Variants in BRWD3 observed in about 807,000 individuals in gnomAD.
The protein encoded by BRWD3 is bromodomain and WD repeat domain containing 3.
A neutral mutation model predicts 149.7 loss-of-function variants in BRWD3; 10 were observed. That is an observed-to-expected ratio of 0.07 (90% CI 0.04 to 0.11). The LOEUF is 0.11. BRWD3 is among the 10% of genes least tolerant of loss of function. The pLI, the probability that BRWD3 is intolerant of heterozygous loss-of-function variation, is 1.00. For synonymous variants in BRWD3, 504 were observed against 456.7 expected, an observed-to-expected ratio of 1.10 and a Z score of -1.32; for missense variants, 940 against 1,373.2, an observed-to-expected ratio of 0.68 and a Z score of 4.99.
At chrX:80,800,286 T>A (rs1602452167) in intron 4 of BRWD3, among the ~76,000 whole-genome samples, 1 of 97,405 alleles carries the variant, frequency 1.0e-5, no homozygotes, top group Admixed American at 1.2e-4. Flanking sequence ...AACCCCAGGG[T>A]ACAGTGGCTT....
chrX:80,754,422 T>G, intron 6 of BRWD3, among the ~76,000 whole-genome samples: 1 of 111,975 alleles, frequency 8.9e-6, no homozygotes, highest in Middle Eastern at 4.6e-3. Flanking sequence ...TCTTTAGAAT[T>G]TTCTAGGTAT....
At chrX:80,764,472 A>ATT (rs58148585) in intron 6 of BRWD3, among the ~76,000 whole-genome samples, 5 of 100,895 alleles carry the variant, frequency 5.0e-5, no homozygotes, top group African/African-American at 1.5e-4. Flanking sequence ...CGCCTGGATA[A>ATT]TTTTTTTTTT....
intron 20 of BRWD3, among the ~76,000 whole-genome samples, chrX:80,712,877 T>C (rs1223508517): frequency 3.1e-5 from 3 of 98,014 alleles, no homozygotes; most frequent in Non-Finnish European, 4.1e-5. Flanking sequence ...GCCTGGCAAC[T>C]GCCCCGTCTG....
intron 8 of BRWD3, 121 bp from the exon 9 acceptor site, chrX:80,736,209 A>G (rs2073402146): frequency 2.1e-6 from 1 of 487,037 alleles, no homozygotes; most frequent in Non-Finnish European, 3.3e-6. Flanking sequence ...TCAGCTAAAA[A>G]TTTTTGTTTC....
intron 37 of BRWD3, 52 bp downstream of exon 37, chrX:80,683,958 A>G: frequency 8.7e-7 from 1 of 1,148,310 alleles, no homozygotes. Context: ...ACCAATTTTC[A>G]GTAACTGGTT....
chrX:80,804,502 T>C lies in BRWD3; in HGVS notation c.180+4037A>G, dbSNP rs188087612. On this transcript the variant is annotated intron_variant, in intron 4 of 40. Transcript: ENST00000373275. ...ATCCGCCTGCCTCAGTCTCTCAAAGTGCTGGGATTACAGGCATGAGCCACC... is the reference window on the plus strand; with the variant it reads ...ATCCGCCTGCCTCAGTCTCTCAAAGCGCTGGGATTACAGGCATGAGCCACC... 8.2e-3 allele frequency among the ~76,000 whole-genome samples: 913 copies of C among 111,812 alleles called. 5 individuals are homozygous for C. The highest frequency in any genetic ancestry group is 0.014 in the Non-Finnish European group (724 of 53,169).
At chrX:80,760,428 C>T (rs932533182) in intron 6 of BRWD3, among the ~76,000 whole-genome samples, 1 of 111,350 alleles carries the variant, frequency 9.0e-6, no homozygotes, top group Non-Finnish European at 1.9e-5. Context: ...TAAAGGTTCT[C>T]CTGAAATTGG....
chrX:80,708,410 T>A (rs1180130214), intron 21 of BRWD3, among the ~76,000 whole-genome samples: 3 of 91,952 alleles, frequency 3.3e-5, no homozygotes, highest in African/African-American at 8.7e-5. Context: ...TTTTTTTTTT[T>A]AAAGGGTGGG....
intron 6 of BRWD3, among the ~76,000 whole-genome samples, chrX:80,781,216 AT>A (rs1244832331): frequency 1.8e-5 from 2 of 111,359 alleles, no homozygotes; most frequent in Non-Finnish European, 3.8e-5. Flanking sequence ...CTCCCATAAA[AT>A]GGGAGGGGAC....
Position 80,696,789 on chromosome X carries a change from T to C in BRWD3, c.3018A>G (p.Ala1006=). ...TTTTGCCTGAAATTGGGTCCAGAAATGCAAGCTTCAAGCAGCACAGTGTGG... is the reference window on the plus strand; with the variant it reads ...TTTTGCCTGAAATTGGGTCCAGAAACGCAAGCTTCAAGCAGCACAGTGTGG... ...GPPTLCCLKL[A]FLDPISGKMT... The change falls in exon 26 of 41, where the codon GCA becomes GCG. Residue 1006 remains alanine (A), a synonymous_variant. Transcript: ENST00000373275. 2 of 1,210,269 alleles carry C rather than the reference T, an allele frequency of 1.7e-6. No individual in the cohort carries two copies. The highest frequency in any genetic ancestry group is 2.2e-6 in the Non-Finnish European group (2 of 894,293).
At chrX:80,690,847 C>G (rs2072601919) in intron 31 of BRWD3, among the ~76,000 whole-genome samples, 1 of 111,150 alleles carries the variant, frequency 9.0e-6, no homozygotes, top group African/African-American at 3.3e-5. Flanking sequence ...TTGTACTACC[C>G]ATATATTCCT....
chrX:80,745,521 A>G (rs2073580255), intron 7 of BRWD3, 48 bp downstream of exon 7: 17 of 1,132,113 alleles, frequency 1.5e-5, no homozygotes, highest in Non-Finnish European at 1.9e-5. Flanking sequence ...TCTGGCTTCA[A>G]TTGTTGTAAT....
intron 6 of BRWD3, among the ~76,000 whole-genome samples, chrX:80,764,943 A>C (rs938066191): frequency 1.8e-5 from 2 of 111,925 alleles, no homozygotes; most frequent in Non-Finnish European, 3.8e-5. Flanking sequence ...TGTGATAGCT[A>C]ATTTTATATA....
Position 80,743,659 on chromosome X carries a change from T to G in BRWD3, c.813+373A>C. 3 of 129,207 alleles carry G rather than the reference T, an allele frequency of 2.3e-5. 1 individual carries two copies. The South Asian group carries it at 8.0e-4, about 34-fold the overall frequency. 10.6% of individuals were successfully genotyped at this position (129,207 alleles called of 1,213,427 possible). A position where few individuals can be genotyped will look rare whatever the true frequency, so the allele number is the denominator to read the frequency against. ...TGTGTCGAGGAATTTATCCATTTCTTCTAGATTTTCTAGTTTATTTGCATA... is the reference window on the plus strand; with the variant it reads ...TGTGTCGAGGAATTTATCCATTTCTGCTAGATTTTCTAGTTTATTTGCATA... On this transcript the variant is annotated intron_variant, in intron 8 of 40. Transcript: ENST00000373275.
chrX:80,752,295 C>T (rs990017795), intron 6 of BRWD3, among the ~76,000 whole-genome samples: 1 of 111,291 alleles, frequency 9.0e-6, no homozygotes, highest in Non-Finnish European at 1.9e-5. Flanking sequence ...TTTATCCATT[C>T]ATCCACTGAT....
At chrX:80,739,824 A>G (rs1278682346) in intron 8 of BRWD3, among the ~76,000 whole-genome samples, 2 of 111,976 alleles carry the variant, frequency 1.8e-5, no homozygotes, top group African/African-American at 6.5e-5. Flanking sequence ...ATACTATAAT[A>G]AAAGTTATAT....
At chrX:80,798,384 C>T (rs1245028793) in intron 4 of BRWD3, among the ~76,000 whole-genome samples, 1 of 110,023 alleles carries the variant, frequency 9.1e-6, no homozygotes, top group African/African-American at 3.3e-5. Context: ...AGAACTCTTA[C>T]CCCGAATAGT....
chrX:80,725,744 TATATAAC>T (rs1206527668), intron 14 of BRWD3, among the ~76,000 whole-genome samples: 10 of 110,267 alleles, frequency 9.1e-5, no homozygotes, highest in South Asian at 3.8e-4. Context: ...GTTACATGCC[TATATAAC>T]ATATAACATG....
At chrX:80,772,006 TTA>T (rs946173052) in intron 6 of BRWD3, among the ~76,000 whole-genome samples, 1 of 111,642 alleles carries the variant, frequency 9.0e-6, no homozygotes, top group African/African-American at 3.3e-5. Flanking sequence ...AGGAACGCTT[TTA>T]CACTGTTGGT....
Sources: gnomAD v4.1 joint callset for allele counts (sites outside exome capture counted in the v4.1 genomes callset) on GRCh38, gnomAD v4.1.1 for gene constraint, MANE v1.5 for transcripts, NCBI Gene and HGNC (gene_info 2026-07-23, HGNC 2026-07-21) for gene names.